KCNC2: variants seen among roughly 807,000 people sequenced by gnomAD.
KCNC2 encodes potassium voltage-gated channel subfamily C member 2.
In KCNC2, 21 loss-of-function variants were observed where a neutral mutation model predicts 44.5. The ratio of observed to expected loss-of-function variants is 0.47; its 90% CI spans 0.33 to 0.68. KCNC2 has a LOEUF of 0.68. Ranked by LOEUF, KCNC2 falls within the 30% of genes least tolerant of loss-of-function variation. The pLI is 0.01. For missense variants in KCNC2, 589 were observed against 826.2 expected (o/e 0.71, Z 3.52); for synonymous variants, 391 against 339.1 (o/e 1.15, Z -1.68).
intron 2 of KCNC2, among the ~76,000 whole-genome samples, chr12:75,187,496 G>A (rs142476850): frequency 2.0e-5 from 3 of 151,846 alleles, no homozygotes; most frequent in Non-Finnish European, 4.4e-5. Context: ...ATCTTCCTTC[G>A]ACTGCTTGTT....
chr12:75,043,476 T>C, intron 4 of KCNC2: 1 of 1,294,538 alleles, frequency 7.7e-7, no homozygotes, highest in African/African-American at 1.5e-5. Context: ...TCAAAATATA[T>C]TTTTTCCCAG....
At chr12:75,153,402 T>A (rs1464127746) in intron 2 of KCNC2, among the ~76,000 whole-genome samples, 1 of 151,898 alleles carries the variant, frequency 6.6e-6, no homozygotes, top group East Asian at 1.9e-4. Flanking sequence ...GACTTGTAAG[T>A]GGTAGCTAAA....
intron 2 of KCNC2, among the ~76,000 whole-genome samples, chr12:75,204,866 C>T (rs553451907): frequency 6.6e-6 from 1 of 152,112 alleles, no homozygotes; most frequent in South Asian, 2.1e-4. Flanking sequence ...TCCCTGAAGA[C>T]AAGACCCACA....
intron 2 of KCNC2, among the ~76,000 whole-genome samples, chr12:75,138,492 G>A (rs1889389818): frequency 6.6e-6 from 1 of 152,020 alleles, no homozygotes. Flanking sequence ...GACACCCCAG[G>A]AAATTAATTT....
chr12:75,145,460 CT>C (rs1889954071), intron 2 of KCNC2, among the ~76,000 whole-genome samples: 2 of 145,446 alleles, frequency 1.4e-5, no homozygotes, highest in South Asian at 4.4e-4. Context: ...ATTTTCTTTT[CT>C]TTTATTAAAA....
intron 2 of KCNC2, among the ~76,000 whole-genome samples, chr12:75,136,045 C>T (rs1478717927): frequency 2.0e-5 from 3 of 151,992 alleles, no homozygotes; most frequent in East Asian, 3.9e-4. Flanking sequence ...GCTCTATTAT[C>T]CTTTTTTTCT....
intron 2 of KCNC2, among the ~76,000 whole-genome samples, chr12:75,121,038 C>T (rs1416729797): frequency 1.3e-5 from 2 of 152,182 alleles, no homozygotes; most frequent in African/African-American, 4.8e-5. Flanking sequence ...CTCTGGACCA[C>T]GGTATCCATG....
chr12:75,074,869 A>C (rs1012292688), intron 2 of KCNC2, among the ~76,000 whole-genome samples: 11 of 152,226 alleles, frequency 7.2e-5, no homozygotes, highest in Non-Finnish European at 1.5e-4. Flanking sequence ...AGAGAAACAC[A>C]ATGTGCCTAT....
chr12:75,095,158 T>C (rs941810196), intron 2 of KCNC2, among the ~76,000 whole-genome samples: 3 of 151,794 alleles, frequency 2.0e-5, no homozygotes, highest in Non-Finnish European at 4.4e-5. Flanking sequence ...GAATGGAGAA[T>C]GGTTTACAGC....
At chr12:75,127,001 C>T (rs1220214652) in intron 2 of KCNC2, among the ~76,000 whole-genome samples, 2 of 152,104 alleles carry the variant, frequency 1.3e-5, no homozygotes, top group Non-Finnish European at 1.5e-5. Flanking sequence ...TAAAACAGTG[C>T]TGTGTTAAAT....
intron 2 of KCNC2, among the ~76,000 whole-genome samples, chr12:75,202,170 A>G (rs960254112): frequency 6.6e-6 from 1 of 151,872 alleles, no homozygotes; most frequent in Non-Finnish European, 1.5e-5. Flanking sequence ...AATTTTGTCA[A>G]CTCAGGTCTA....
intron 2 of KCNC2, among the ~76,000 whole-genome samples, chr12:75,196,514 C>A (rs922641854): frequency 6.6e-6 from 1 of 152,078 alleles, no homozygotes; most frequent in Non-Finnish European, 1.5e-5. Context: ...AATGACATTT[C>A]TAGAACCAGG....
chr12:75,050,323 C>T (rs575894642), intron 3 of KCNC2, 67 bp downstream of exon 3: 2 of 1,123,344 alleles, frequency 1.8e-6, no homozygotes, highest in Admixed American at 2.2e-5. Context: ...AGAATGACTG[C>T]CTTCTGCCTA....
At chr12:75,052,709 A>C (rs886868150) in intron 2 of KCNC2, among the ~76,000 whole-genome samples, 14 of 152,126 alleles carry the variant, frequency 9.2e-5, no homozygotes, top group Admixed American at 1.3e-4. Context: ...GTTCAAGAAG[A>C]GATTGAAACC....
intron 2 of KCNC2, among the ~76,000 whole-genome samples, chr12:75,132,123 T>C (rs1888893126): frequency 6.6e-6 from 1 of 152,110 alleles, no homozygotes; most frequent in South Asian, 2.1e-4. Flanking sequence ...TAGTTTCACT[T>C]GGAAAGGTGA....
rs537764531 is a variant in KCNC2, at chr12:75,160,988, A to G, written c.687+46309T>C. Among the ~76,000 whole-genome samples the G allele has an allele frequency of 3.6e-3, 541 of 151,922 alleles. 1 individual carries two copies. The highest frequency in any genetic ancestry group is 9.1e-3 in the Admixed American group (139 of 15,212). On this transcript the variant is annotated intron_variant, in intron 2 of 4. Coordinates refer to ENST00000549446, the MANE Select transcript of KCNC2 (RefSeq NM_139137.4). ...TGTGTATACTTAAAGAGAAACTACA[A>G]TAAAAATAAACCAGAACAGAATGTT...
At chr12:75,060,430 C>A (rs1288757151) in intron 2 of KCNC2, among the ~76,000 whole-genome samples, 4 of 151,854 alleles carry the variant, frequency 2.6e-5, no homozygotes, top group African/African-American at 9.7e-5. Context: ...TTTAATGGCT[C>A]CCAACTACTA....
At chr12:75,067,270 TA>T (rs1421265188) in intron 2 of KCNC2, among the ~76,000 whole-genome samples, 1 of 152,186 alleles carries the variant, frequency 6.6e-6, no homozygotes, top group African/African-American at 2.4e-5. Context: ...GTCACGTGTT[TA>T]GAGTTGCCTT....
At chr12:75,094,608 A>T (rs1198290410) in intron 2 of KCNC2, among the ~76,000 whole-genome samples, 1 of 151,750 alleles carries the variant, frequency 6.6e-6, no homozygotes, top group African/African-American at 2.4e-5. Context: ...GAAATGCTTG[A>T]CTTGTAAGGT....
Sources: allele counts gnomAD v4.1 joint callset (sites outside exome capture counted in the v4.1 genomes callset), GRCh38; gene constraint gnomAD v4.1.1; transcripts MANE v1.5; gene names NCBI Gene and HGNC (gene_info 2026-07-23, HGNC 2026-07-21).